Variants in ACTN4 observed in about 807,000 individuals in gnomAD.
ACTN4 encodes the protein alpha-actinin-4.
ACTN4 carries 18 observed loss-of-function variants against 114.2 expected under a neutral mutation model. The observed-to-expected ratio is 0.16, with a 90% CI of 0.11 to 0.23. The LOEUF is 0.23. Ranked by LOEUF, ACTN4 falls within the 10% of genes least tolerant of loss-of-function variation. The pLI is 1.00. For synonymous variants in ACTN4, 515 were observed against 506.3 expected, an observed-to-expected ratio of 1.02 and a Z score of -0.23; for missense variants, 722 against 1,262.9, an observed-to-expected ratio of 0.57 and a Z score of 6.49.
intron 1 of ACTN4, among the ~76,000 whole-genome samples, chr19:38,689,380 G>T (rs969960569): frequency 6.6e-6 from 1 of 152,194 alleles, no homozygotes; most frequent in African/African-American, 2.4e-5. Context: ...TGCAAGAGAC[G>T]AAAGAAAGGT....
chr19:38,677,834 C>T (rs1967428751), intron 1 of ACTN4, among the ~76,000 whole-genome samples: 1 of 152,192 alleles, frequency 6.6e-6, no homozygotes, highest in South Asian at 2.1e-4. Context: ...TGAAGTGATT[C>T]TCCTGCCTCA....
intron 12 of ACTN4, 51 bp from the exon 13 acceptor site, chr19:38,723,563 A>G (rs1280816949): frequency 7.1e-7 from 1 of 1,415,302 alleles, no homozygotes; most frequent in Middle Eastern, 1.8e-4. Flanking sequence ...GGTCCAATCC[A>G]TCTAGCCACT....
At chr19:38,673,556 C>T (rs193047937) in intron 1 of ACTN4, among the ~76,000 whole-genome samples, 419 of 28,608 alleles carry the variant, frequency 0.015, 2 homozygotes, top group East Asian at 0.027. Context: ...TTTATATATA[C>T]TTATATATAT....
In ACTN4 at chr19:38,730,713, G is replaced by T; in HGVS notation, c.*1281G>T. On this transcript the variant is annotated 3_prime_UTR_variant, in exon 21 of 21. Transcript: ENST00000252699. The stretch of plus-strand genomic sequence containing the variant: ...GTACGCAGGCCAGAGTGGTCACCCG[G>T]CCGTGAGCAGTGAGGGCCAGAGACT... 1 of 1,068,018 alleles carries T rather than the reference G, an allele frequency of 9.4e-7. No homozygotes were observed. The highest frequency in any genetic ancestry group is 1.4e-6 in the Non-Finnish European group (1 of 730,000). 66.2% of individuals were successfully genotyped at this position (1,068,018 alleles called of 1,614,324 possible).
chr19:38,672,060 C>T (rs1967145088), intron 1 of ACTN4, among the ~76,000 whole-genome samples: 1 of 152,030 alleles, frequency 6.6e-6, no homozygotes, highest in East Asian at 1.9e-4. Flanking sequence ...CTTCATTGTC[C>T]TGCTGGCCTG....
intron 1 of ACTN4, among the ~76,000 whole-genome samples, chr19:38,667,148 C>T (rs770147801): frequency 6.6e-6 from 1 of 152,162 alleles, no homozygotes; most frequent in Non-Finnish European, 1.5e-5. Context: ...CACGATGGCT[C>T]AGAACAGGGG....
At chr19:38,669,884 C>T (rs1365991040) in intron 1 of ACTN4, among the ~76,000 whole-genome samples, 3 of 152,132 alleles carry the variant, frequency 2.0e-5, no homozygotes, top group Non-Finnish European at 1.5e-5. Flanking sequence ...TGGAAGCAAG[C>T]GTTGGGGGAA....
Position 38,673,656 on chromosome 19 carries a change from T to C in ACTN4, c.162+25749T>C, listed in dbSNP as rs1431350454. Among the ~76,000 whole-genome samples, 12 of 37,934 alleles carry C rather than the reference T, an allele frequency of 3.2e-4. 2 individuals carry two copies. The highest frequency in any genetic ancestry group is 7.0e-4 in the African/African-American group (8 of 11,500). 24.9% of individuals were successfully genotyped at this position (37,934 alleles called of 152,430 possible). On this transcript the variant is annotated intron_variant, in intron 1 of 20. Coordinates refer to ENST00000252699, the MANE Select transcript of ACTN4 (RefSeq NM_004924.6). Reference sequence around the variant, plus strand: ...ATATATTTATATATATTTATATATTTATATATATTATATATATTTATATAT... The same window carrying C: ...ATATATTTATATATATTTATATATTCATATATATTATATATATTTATATAT...
At chr19:38,655,164 G>A (rs7251305) in intron 1 of ACTN4, among the ~76,000 whole-genome samples, 2,146 of 152,210 alleles carry the variant, frequency 0.014, 58 homozygotes, top group African/African-American at 0.047. Flanking sequence ...AGTTTTGAAA[G>A]GAAAACTGAC....
Position 38,731,322 on chromosome 19 carries a change from G to A in ACTN4, c.*1890G>A, listed in dbSNP as rs1969588106. The A allele has an allele frequency of 7.9e-6, 7 of 885,234 alleles. No individual in the cohort carries two copies. The highest frequency in any genetic ancestry group is 3.6e-5 in the Admixed American group (2 of 55,486). 54.8% of individuals were successfully genotyped at this position (885,234 alleles called of 1,614,324 possible). A position where few individuals can be genotyped will look rare whatever the true frequency, so the allele number is the denominator to read the frequency against. ...CTCAGGGAGGACATGAATGCCACAG[G>A]GTGTCACACCCCAACTCTGCCCCAT... On this transcript the variant is annotated 3_prime_UTR_variant, in exon 21 of 21. Transcript: ENST00000252699.
At chr19:38,654,210 G>A (rs901133701) in intron 1 of ACTN4, among the ~76,000 whole-genome samples, 2 of 152,190 alleles carry the variant, frequency 1.3e-5, no homozygotes, top group Non-Finnish European at 2.9e-5. Flanking sequence ...GTTTAAAGAA[G>A]GATCTTATGA....
intron 1 of ACTN4, among the ~76,000 whole-genome samples, chr19:38,670,214 G>A (rs74590725): frequency 0.014 from 2,151 of 152,280 alleles, 57 homozygotes; most frequent in African/African-American, 0.048. Context: ...TGGGGATCAC[G>A]TAACACCCTC....
chr19:38,702,319 G>T (rs1968304325), intron 3 of ACTN4, among the ~76,000 whole-genome samples: 1 of 152,174 alleles, frequency 6.6e-6, no homozygotes, highest in African/African-American at 2.4e-5. Flanking sequence ...CCTAATGGAG[G>T]CGTTCCTGGG....
rs775964034 is a variant in ACTN4 at position 38,731,273 on chromosome 19, G to A, written c.*1841G>A. 5 of 1,436,514 alleles carry A rather than the reference G, an allele frequency of 3.5e-6. No individual in the cohort carries two copies. The highest frequency in any genetic ancestry group is 1.1e-5 in the South Asian group (1 of 87,496). 89.0% of individuals were successfully genotyped at this position (1,436,514 alleles called of 1,614,324 possible). ...CAGTGGCCCACAGGGAACCCACCTTGGCATTGCATCCCCACCCCACCTCCT... is the reference window on the plus strand; with the variant it reads ...CAGTGGCCCACAGGGAACCCACCTTAGCATTGCATCCCCACCCCACCTCCT... On this transcript the variant is annotated 3_prime_UTR_variant, in exon 21 of 21. Coordinates refer to ENST00000252699, the MANE Select transcript of ACTN4 (RefSeq NM_004924.6).
In ACTN4 at chr19:38,730,920, C is replaced by G. The variant is rs73554721; in HGVS notation, c.*1488C>G. 2.6e-6 allele frequency: 4 copies of G among 1,550,440 alleles called. No homozygotes were observed. Among genetic ancestry groups the G allele is most frequent in the African/African-American group, 2.7e-5 (2 of 73,040 alleles). Reference sequence around the variant, plus strand: ...AGACAGTGGCTTGAGGCAGGGAGCTCGCAGGACAGAGCCTGAGCCACCCTG... The same window carrying G: ...AGACAGTGGCTTGAGGCAGGGAGCTGGCAGGACAGAGCCTGAGCCACCCTG... On this transcript the variant is annotated 3_prime_UTR_variant, in exon 21 of 21. Transcript: ENST00000252699.
chr19:38,703,028 C>T (rs1968335019), intron 3 of ACTN4, among the ~76,000 whole-genome samples: 1 of 152,132 alleles, frequency 6.6e-6, no homozygotes, highest in African/African-American at 2.4e-5. Context: ...GGAAGCCACT[C>T]CATCATGCCC....
At chr19:38,680,302 C>A (rs1459021251) in intron 1 of ACTN4, among the ~76,000 whole-genome samples, 1 of 148,234 alleles carries the variant, frequency 6.7e-6, no homozygotes, top group Non-Finnish European at 1.5e-5. Flanking sequence ...AATCTTGGCT[C>A]ACTGCAACCT....
chr19:38,718,000 G>T lies in ACTN4; in HGVS notation c.1217G>T (p.Arg406Leu), dbSNP rs762573515. Residue 406 changes from arginine to leucine, a missense_variant, in exon 11 of 21, where the codon CGC (arginine) becomes CTC (leucine). Physicochemically the swap from Arg to Leu is moderately radical, Grantham distance 102 (BLOSUM62 -2). Around this residue, in one of 3 missense-constraint regions of ACTN4, gnomAD observed 523 missense variants for 875.9 expected, o/e 0.60. Coordinates refer to ENST00000252699, the MANE Select transcript of ACTN4 (RefSeq NM_004924.6). This position sits in a 1 kb window ranked among gnomAD's most constrained non-coding sequence, Gnocchi z 4.0. ...GYEEWLLNEIRRLERLDHLAE... is the reference protein window; with the variant it reads ...GYEEWLLNEILRLERLDHLAE... ...GAGGAGTGGCTGCTGAATGAGATCCGCAGGCTGGAGCGGCTCGACCACCTG... is the reference window on the plus strand; with the variant it reads ...GAGGAGTGGCTGCTGAATGAGATCCTCAGGCTGGAGCGGCTCGACCACCTG... 3 of 1,608,376 alleles carry T rather than the reference G, an allele frequency of 1.9e-6. No homozygotes were observed. Among genetic ancestry groups the T allele is most frequent in the Non-Finnish European group, 2.5e-6 (3 of 1,177,686 alleles).
chr19:38,676,598 C>T lies in ACTN4; in HGVS notation c.163-24002C>T, dbSNP rs938309229. Among the ~76,000 whole-genome samples the T allele has an allele frequency of 3.9e-5, 6 of 152,218 alleles. No homozygotes were observed. In the East Asian group the frequency reaches 1.2e-3, roughly 29 times the overall value. Reference sequence around the variant, plus strand: ...CCTTCCCTCTGGGAAACCTCCCACCCGGGCAGGGCCTCTGGGGCCGGATGT... The same window carrying T: ...CCTTCCCTCTGGGAAACCTCCCACCTGGGCAGGGCCTCTGGGGCCGGATGT... On this transcript the variant is annotated intron_variant, in intron 1 of 20. Coordinates refer to ENST00000252699, the MANE Select transcript of ACTN4 (RefSeq NM_004924.6).
Sources: allele counts gnomAD v4.1 joint callset (sites outside exome capture counted in the v4.1 genomes callset), GRCh38; gene constraint gnomAD v4.1.1; regional missense constraint gnomAD v4.1.1; non-coding constraint Gnocchi (gnomAD v3.1); transcripts MANE v1.5; gene names NCBI Gene and HGNC (gene_info 2026-07-23, HGNC 2026-07-21).